The following MAP3K9 variants were observed in gnomAD, a reference collection of about 807,000 sequenced individuals.
MAP3K9 encodes mitogen-activated protein kinase kinase kinase 9, also known as mixed lineage kinase 1 (tyr and ser/thr specificity).
In MAP3K9, 46 loss-of-function variants were observed where a neutral mutation model predicts 95.8. The ratio of observed to expected loss-of-function variants is 0.48; its 90% CI spans 0.38 to 0.61. The LOEUF is 0.61. MAP3K9 is among the 20% of genes least tolerant of loss of function. The pLI, the probability that MAP3K9 is intolerant of heterozygous loss-of-function variation, is 0.00. For synonymous variants in MAP3K9, 533 were observed against 593.8 expected (o/e 0.90, Z 1.49); for missense variants, 1,296 against 1,474.3 (o/e 0.88, Z 1.98).
In MAP3K9 at chr14:70,732,958, G is replaced by A. The variant is rs753312100; in HGVS notation, c.2411C>T (p.Pro804Leu). 2 of 1,614,134 alleles carry A rather than the reference G, an allele frequency of 1.2e-6. No individual in the cohort carries two copies. The highest frequency in any genetic ancestry group is 1.7e-6 in the Non-Finnish European group (2 of 1,180,018). Reference protein sequence around the residue: ...REGLFQRSSRPRRSTSPPSRK... With the variant: ...REGLFQRSSRLRRSTSPPSRK... ...GGATGGGGGGCTGGTGCTCCGACGA[G>A]GACGGCTGGACCTCTGAAAAAGACC... The change falls in exon 11 of 12, where the codon CCT becomes CTT. Residue 804 changes from proline to leucine, a missense_variant. Physicochemically the swap from Pro to Leu is moderately conservative, Grantham distance 98. Coordinates refer to ENST00000554752, the MANE Select transcript of MAP3K9 (RefSeq NM_001284230.2).
Position 70,809,114 on chromosome 14 carries a change from G to C in MAP3K9, c.58C>G (p.Pro20Ala). Residue 20 changes from proline (P) to alanine (A), a missense_variant, in exon 1 of 12, where the codon CCG becomes GCG. Coordinates refer to ENST00000554752, the MANE Select transcript of MAP3K9 (RefSeq NM_001284230.2). ...CCGGCCCCTGCTCCATCCTCCCCCGGCGGGGCGGCAGCGGCGGCGCTCGCT... is the reference window on the plus strand; with the variant it reads ...CCGGCCCCTGCTCCATCCTCCCCCGCCGGGGCGGCAGCGGCGGCGCTCGCT... ...CLASAAAAAP[P>A]GEDGAGAGAE... The C allele has an allele frequency of 2.9e-6, 4 of 1,381,978 alleles. No homozygotes were observed. The highest frequency in any genetic ancestry group is 2.8e-6 in the Non-Finnish European group (3 of 1,076,878). 85.6% of individuals were successfully genotyped at this position (1,381,978 alleles called of 1,614,324 possible).
chr14:70,809,031 C>T lies in MAP3K9; in HGVS notation c.141G>A (p.Glu47=). Residue 47 remains glutamate (E), a synonymous_variant, in exon 1 of 12, where the codon GAG becomes GAA. Transcript: ENST00000554752. ...AGGGCAGCGGCGCGTCGCAGCCCAG[C>T]TCCCCGGGGCCCACCGCCGCCGCCG... ...EEAAAAVGPG[E]LGCDAPLPYW... is the part of the protein sequence containing the mutation. 1 of 1,481,598 alleles carries T rather than the reference C, an allele frequency of 6.7e-7. No individual in the cohort carries two copies. Among genetic ancestry groups the T allele is most frequent in the Non-Finnish European group, 8.9e-7 (1 of 1,122,088 alleles). 91.8% of individuals were successfully genotyped at this position (1,481,598 alleles called of 1,614,324 possible). A position where few individuals can be genotyped will look rare whatever the true frequency, so the allele number is the denominator to read the frequency against.
chr14:70,761,048 C>T lies in MAP3K9; in HGVS notation c.955G>A (p.Glu319Lys), dbSNP rs866106057. ...AAGTYAWMAP[E>K]VIRASMFSKG... The stretch of plus-strand genomic sequence containing the variant: ...GAAAACATGGAGGCCCGGATGACTT[C>T]GGGTGCCATCCAAGCATACGTCCCT... Residue 319 changes from glutamate to lysine, a missense_variant, in exon 3 of 12, where the codon GAA becomes AAA. Physicochemically the swap from Glu to Lys is moderately conservative, Grantham distance 56. Transcript: ENST00000554752. 6.2e-7 allele frequency: 1 copy of T among 1,613,884 alleles called. No individual in the cohort carries two copies.
At chr14:70,787,466 C>T (rs908172525) in intron 2 of MAP3K9, among the ~76,000 whole-genome samples, 54 of 150,794 alleles carry the variant, frequency 3.6e-4, no homozygotes, top group African/African-American at 1.3e-3. Context: ...CGAGATGGCA[C>T]CACTGCACAC....
chr14:70,806,098 G>T (rs1389016785), intron 1 of MAP3K9, among the ~76,000 whole-genome samples: 1 of 152,152 alleles, frequency 6.6e-6, no homozygotes, highest in Admixed American at 6.5e-5. Context: ...GTTCAAAAGG[G>T]TAACTCTGGC....
At chr14:70,759,914 C>G (rs1258932544) in intron 3 of MAP3K9, among the ~76,000 whole-genome samples, 1 of 152,064 alleles carries the variant, frequency 6.6e-6, no homozygotes, top group Non-Finnish European at 1.5e-5. Flanking sequence ...GCCACCACAC[C>G]TGGATACTTT....
intron 2 of MAP3K9, among the ~76,000 whole-genome samples, chr14:70,779,709 T>C (rs532584705): frequency 6.6e-6 from 1 of 152,366 alleles, no homozygotes; most frequent in South Asian, 2.1e-4. Flanking sequence ...TTTTCAGTTG[T>C]AGCTACCAAC....
At position 70,732,703 on chromosome 14, in the gene MAP3K9, T is replaced by A. The variant is rs375220969; in HGVS notation, c.2666A>T (p.Lys889Ile). 1.4e-5 allele frequency: 23 copies of A among 1,601,612 alleles called. 1 individual carries two copies. In the South Asian group the frequency reaches 2.6e-4, roughly 18 times the overall value. ...AGTCAGAGATTGGTTAGGATCTCGT[T>A]TGAAGCGCTCTACTCGGACATTGAC... Reference protein sequence around the residue: ...PLVNVRVERFKRDPNQSLTPT... With the variant: ...PLVNVRVERFIRDPNQSLTPT... Residue 889 changes from lysine (K) to isoleucine (I), a missense_variant, in exon 11 of 12, where the codon AAA (lysine) becomes ATA (isoleucine). Physicochemically the swap from Lys to Ile is moderately radical, Grantham distance 102. Around this residue, in one of 5 missense-constraint regions of MAP3K9, gnomAD observed 433 missense variants for 441.4 expected, o/e 0.98. Transcript: ENST00000554752.
chr14:70,776,082 G>A (rs1566755882), intron 2 of MAP3K9, among the ~76,000 whole-genome samples: 2 of 152,236 alleles, frequency 1.3e-5, no homozygotes, highest in East Asian at 1.9e-4. Context: ...CCAGCTTCTC[G>A]GGAGGCTGAG....
chr14:70,800,845 G>T lies in MAP3K9; in HGVS notation c.642C>A (p.Pro214=), dbSNP rs2054920784. The stretch of plus-strand genomic sequence containing the variant: ...CAAACTCCATGACCAAGCAGAGGTT[G>T]GGCTCCTTCAGACATACCCCTCTTA... ...IALRGVCLKE[P]NLCLVMEFAR... is the part of the protein sequence containing the mutation. Residue 214 remains proline (P), a synonymous_variant, in exon 2 of 12, where the codon CCC becomes CCA. Transcript: ENST00000554752. The T allele has an allele frequency of 1.2e-6, 2 of 1,614,176 alleles. No individual in the cohort carries two copies. Among genetic ancestry groups the T allele is most frequent in the African/African-American group, 2.7e-5 (2 of 75,046 alleles).
intron 2 of MAP3K9, among the ~76,000 whole-genome samples, chr14:70,790,394 T>G (rs921563204): frequency 3.3e-5 from 5 of 152,174 alleles, no homozygotes; most frequent in Non-Finnish European, 5.9e-5. Flanking sequence ...GGGCAGGACC[T>G]CAGAGACCAC....
At chr14:70,743,905 C>T (rs530555233) in intron 5 of MAP3K9, among the ~76,000 whole-genome samples, 138 of 152,280 alleles carry the variant, frequency 9.1e-4, no homozygotes, top group African/African-American at 3.1e-3. Context: ...CACATGCACA[C>T]GTATGTTTAT....
intron 2 of MAP3K9, among the ~76,000 whole-genome samples, chr14:70,789,662 A>C (rs988671788): frequency 1.3e-5 from 2 of 152,214 alleles, no homozygotes; most frequent in Non-Finnish European, 2.9e-5. Context: ...TGTTTCTTCC[A>C]TTAGACCACG....
chr14:70,784,588 C>A (rs1224483085), intron 2 of MAP3K9, among the ~76,000 whole-genome samples: 1 of 152,032 alleles, frequency 6.6e-6, no homozygotes, highest in Admixed American at 6.6e-5. Flanking sequence ...ACTGAAAATA[C>A]AAAAATTAGC....
rs748544153 is a variant in MAP3K9, at chr14:70,808,772, T to C, written c.400A>G (p.Ile134Val). Residue 134 changes from isoleucine to valine, a missense_variant, in exon 1 of 12, where the codon ATT (isoleucine) becomes GTT (valine). This residue lies in a region of MAP3K9 where 338 missense variants were observed against 363.4 expected (regional missense o/e 0.93). Transcript: ENST00000554752. ...GGEDPSCYPP[I>V]QLLEIDFAEL... The stretch of plus-strand genomic sequence containing the variant: ...GGCCCCGCCTTCGCCTTACACTGAA[T>C]GGGCGGGTAGCAACTGGGGTCCTCG... 22 of 1,419,534 alleles carry C rather than the reference T, an allele frequency of 1.5e-5. No homozygotes were observed. Among genetic ancestry groups the C allele is most frequent in the Non-Finnish European group, 1.8e-5 (19 of 1,068,106 alleles). 87.9% of individuals were successfully genotyped at this position (1,419,534 alleles called of 1,614,324 possible).
chr14:70,738,907 A>G (rs1031743638), intron 7 of MAP3K9, among the ~76,000 whole-genome samples: 3 of 151,884 alleles, frequency 2.0e-5, no homozygotes, highest in Middle Eastern at 3.2e-3. Context: ...GAGGAGGAAT[A>G]TTTTTCTGAC....
At chr14:70,756,333 G>T (rs1342778284) in intron 3 of MAP3K9, among the ~76,000 whole-genome samples, 1 of 152,160 alleles carries the variant, frequency 6.6e-6, no homozygotes, top group Non-Finnish European at 1.5e-5. Context: ...GGGTTAGGCT[G>T]GGAGAAGAAA....
At chr14:70,765,544 C>A in intron 2 of MAP3K9, 2 of 624,048 alleles carry the variant, frequency 3.2e-6, no homozygotes, top group South Asian at 1.9e-5. Flanking sequence ...ACCTTTTCTA[C>A]GTATAGATAC....
chr14:70,734,994 C>CA (rs2053964154), intron 9 of MAP3K9, among the ~76,000 whole-genome samples: 1 of 152,230 alleles, frequency 6.6e-6, no homozygotes, highest in South Asian at 2.1e-4. Context: ...AGCTTTATGG[C>CA]ATGCTTAGGC....
Sources: gnomAD v4.1 joint callset for allele counts (sites outside exome capture counted in the v4.1 genomes callset) on GRCh38, gnomAD v4.1.1 for gene constraint, gnomAD v4.1.1 regional missense constraint, MANE v1.5 for transcripts, NCBI Gene and HGNC (gene_info 2026-07-23, HGNC 2026-07-21) for gene names.